MOXD1: variants seen among roughly 807,000 people sequenced by gnomAD.
The protein encoded by MOXD1 is DBH-like monooxygenase protein 1.
MOXD1 carries 62 observed loss-of-function variants against 66.6 expected under a neutral mutation model. That is an observed-to-expected ratio of 0.93 (90% CI 0.76 to 1.15). The LOEUF (loss-of-function observed/expected upper bound fraction) is 1.15, where lower values mean the gene tolerates loss of function less well. MOXD1 is among the 50% of genes most tolerant of loss of function. MOXD1 has a pLI of 0.00. For missense variants in MOXD1, 847 were observed against 754.6 expected (o/e 1.12, Z -1.44); for synonymous variants, 303 against 281.9 (o/e 1.07, Z -0.75).
intron 4 of MOXD1, among the ~76,000 whole-genome samples, chr6:132,330,732 A>G (rs1244492485): frequency 6.6e-6 from 1 of 152,304 alleles, no homozygotes. Context: ...CAGCATGCAC[A>G]TTTACATGAA....
At chr6:132,331,408 A>T (rs1775314785) in intron 4 of MOXD1, among the ~76,000 whole-genome samples, 1 of 152,124 alleles carries the variant, frequency 6.6e-6, no homozygotes, top group African/African-American at 2.4e-5. Context: ...GTAGAGGAAG[A>T]GGGAGTGAAG....
chr6:132,359,613 A>T (rs1239468249), intron 4 of MOXD1, among the ~76,000 whole-genome samples: 1 of 151,010 alleles, frequency 6.6e-6, no homozygotes, highest in Non-Finnish European at 1.5e-5. Context: ...CAGCCTCCCG[A>T]GTAGCTGGGA....
intron 10 of MOXD1, among the ~76,000 whole-genome samples, chr6:132,299,195 G>A (rs2114520479): frequency 6.6e-6 from 1 of 152,280 alleles, no homozygotes; most frequent in South Asian, 2.1e-4. Context: ...AAAACCGCGT[G>A]TTCTCACATA....
intron 4 of MOXD1, among the ~76,000 whole-genome samples, chr6:132,335,038 T>C (rs1775408861): frequency 6.6e-6 from 1 of 152,152 alleles, no homozygotes; most frequent in African/African-American, 2.4e-5. Flanking sequence ...TTTCAGAATT[T>C]GAGGCAAGAA....
intron 4 of MOXD1, among the ~76,000 whole-genome samples, chr6:132,345,404 G>T (rs1293637876): frequency 6.6e-6 from 1 of 151,788 alleles, no homozygotes; most frequent in African/African-American, 2.4e-5. Context: ...AAATTGGTAA[G>T]TTTTTCTTCC....
chr6:132,340,207 T>A (rs1297960115), intron 4 of MOXD1, among the ~76,000 whole-genome samples: 1 of 152,116 alleles, frequency 6.6e-6, no homozygotes, highest in African/African-American at 2.4e-5. Context: ...TGAAATATCA[T>A]GAACCTCTAG....
chr6:132,379,369 G>T (rs1582604608), intron 1 of MOXD1, among the ~76,000 whole-genome samples: 1 of 152,068 alleles, frequency 6.6e-6, no homozygotes, highest in Admixed American at 6.5e-5. Flanking sequence ...ACCCTTTAAA[G>T]GGCACCTATA....
chr6:132,344,429 T>C (rs528270309), intron 4 of MOXD1, among the ~76,000 whole-genome samples: 1 of 152,276 alleles, frequency 6.6e-6, no homozygotes, highest in South Asian at 2.1e-4. Flanking sequence ...CAATCTTGAC[T>C]CTGATAGCGG....
chr6:132,299,737 C>A (rs2223373), intron 10 of MOXD1, among the ~76,000 whole-genome samples: 1 of 151,982 alleles, frequency 6.6e-6, no homozygotes, highest in African/African-American at 2.4e-5. Context: ...ATCCATGGAC[C>A]TTGCAGGAAA....
At chr6:132,363,850 G>A (rs930799711) in intron 4 of MOXD1, among the ~76,000 whole-genome samples, 1 of 152,138 alleles carries the variant, frequency 6.6e-6, no homozygotes, top group Non-Finnish European at 1.5e-5. Flanking sequence ...ATCCCATTGT[G>A]CTATCAACAT....
chr6:132,400,330 C>T (rs1458407531), intron 1 of MOXD1, among the ~76,000 whole-genome samples: 1 of 152,124 alleles, frequency 6.6e-6, no homozygotes, highest in Non-Finnish European at 1.5e-5. Context: ...TCACCGCCAT[C>T]CAAACGTTGG....
At chr6:132,362,045 A>C (rs1776027377) in intron 4 of MOXD1, among the ~76,000 whole-genome samples, 1 of 152,132 alleles carries the variant, frequency 6.6e-6, no homozygotes, top group African/African-American at 2.4e-5. Flanking sequence ...TAAAAGCTCC[A>C]TTTATAAAAA....
intron 10 of MOXD1, among the ~76,000 whole-genome samples, chr6:132,303,859 A>G (rs1216692683): frequency 4.6e-4 from 34 of 74,214 alleles, no homozygotes; most frequent in African/African-American, 4.4e-3. Flanking sequence ...ATATATATAT[A>G]TATATATATA....
In MOXD1 at chr6:132,354,371, T is replaced by A. The variant is rs546258256; in HGVS notation, c.663+18237A>T. Among the ~76,000 whole-genome samples, 5 of 152,354 alleles carry A rather than the reference T, an allele frequency of 3.3e-5. No homozygotes were observed. The East Asian group carries it at 9.6e-4, about 29-fold the overall frequency. ...TCCCTTAATATAGTACTCTCCCCTTTTTTCTATGGATGTGGCTTCCTGTGA... is the reference window on the plus strand; with the variant it reads ...TCCCTTAATATAGTACTCTCCCCTTATTTCTATGGATGTGGCTTCCTGTGA... On this transcript the variant is annotated intron_variant, in intron 4 of 11. Coordinates refer to ENST00000367963, the MANE Select transcript of MOXD1 (RefSeq NM_015529.4).
At chr6:132,363,771 T>C (rs1370589723) in intron 4 of MOXD1, among the ~76,000 whole-genome samples, 1 of 152,162 alleles carries the variant, frequency 6.6e-6, no homozygotes, top group Non-Finnish European at 1.5e-5. Flanking sequence ...AACAAGAAAG[T>C]ATTTTACCTA....
At chr6:132,325,359 G>T (rs916131204) in intron 6 of MOXD1, among the ~76,000 whole-genome samples, 5 of 152,202 alleles carry the variant, frequency 3.3e-5, no homozygotes, top group African/African-American at 9.6e-5. Flanking sequence ...AAGTAGGTTT[G>T]AATGTTGTTG....
chr6:132,381,366 C>T (rs540525181), intron 1 of MOXD1, among the ~76,000 whole-genome samples: 2 of 152,278 alleles, frequency 1.3e-5, no homozygotes, highest in South Asian at 2.1e-4. Context: ...TAATCAAACA[C>T]AGCCTTAATG....
intron 10 of MOXD1, among the ~76,000 whole-genome samples, chr6:132,309,459 A>G (rs1774773927): frequency 6.6e-6 from 1 of 152,238 alleles, no homozygotes; most frequent in Admixed American, 6.5e-5. Flanking sequence ...CGTAATTTAT[A>G]GATTCAACGC....
At chr6:132,339,269 T>C (rs991963088) in intron 4 of MOXD1, among the ~76,000 whole-genome samples, 4 of 152,142 alleles carry the variant, frequency 2.6e-5, no homozygotes, top group African/African-American at 7.3e-5. Flanking sequence ...TGTTTATATA[T>C]AGTTTTAAGT....
Sources: gnomAD v4.1 joint callset for allele counts (sites outside exome capture counted in the v4.1 genomes callset) on GRCh38, gnomAD v4.1.1 for gene constraint, MANE v1.5 for transcripts, NCBI Gene and HGNC (gene_info 2026-07-23, HGNC 2026-07-21) for gene names.